Variants in RAN observed in about 807,000 individuals in gnomAD.
RAN encodes GTP-binding nuclear protein Ran.
A neutral mutation model predicts 26.8 loss-of-function variants in RAN; 2 were observed. The observed-to-expected ratio is 0.07, with a 90% CI of 0.03 to 0.23. The LOEUF (loss-of-function observed/expected upper bound fraction) is 0.23, where lower values mean the gene tolerates loss of function less well. Among genes scored for constraint, RAN ranks in the 10% least tolerant of loss-of-function variants. RAN has a pLI of 1.00. For synonymous variants in RAN, 132 were observed against 95.9 expected, an observed-to-expected ratio of 1.38 and a Z score of -2.20; for missense variants, 56 against 264.8, an observed-to-expected ratio of 0.21 and a Z score of 5.47.
rs1953171262 is a variant in RAN at position 130,873,181 on chromosome 12, T to G, written c.247+53T>G. On this transcript the variant is annotated intron_variant, in intron 4 of 6. Coordinates refer to ENST00000543796, the MANE Select transcript of RAN (RefSeq NM_006325.5). ...TTTTGAGAGGTTTTGTGTACTTCAG[T>G]CTTCAAGGTTATAGAAAATCAGGTC... 36 of 1,608,666 alleles carry G rather than the reference T, an allele frequency of 2.2e-5. No homozygotes were observed. In the South Asian group the frequency reaches 3.4e-4, roughly 15 times the overall value.
At position 130,877,284 on chromosome 12, in the gene RAN, G is replaced by C. The variant is rs1473020146; in HGVS notation, c.*1358G>C. On this transcript the variant is annotated 3_prime_UTR_variant, in exon 7 of 7. Transcript: ENST00000543796. Reference sequence around the variant, plus strand: ...TGCTTACCTTAAAAGGTATAGAAAGGATCACTTAAATATATGGAAAAATGA... The same window carrying C: ...TGCTTACCTTAAAAGGTATAGAAAGCATCACTTAAATATATGGAAAAATGA... The C allele has an allele frequency of 6.6e-6, 1 of 152,116 alleles. No homozygotes were observed. Among genetic ancestry groups the C allele is most frequent in the Non-Finnish European group, 1.5e-5 (1 of 68,028 alleles). 9.4% of individuals were successfully genotyped at this position (152,116 alleles called of 1,614,324 possible).
At chr12:130,873,612 A>G (rs1953182273) in intron 4 of RAN, 1 of 162,018 alleles carries the variant, frequency 6.2e-6, no homozygotes, top group African/African-American at 2.4e-5. Context: ...AAATAGTTTG[A>G]TTTAAAAATT....
chr12:130,876,154 T>G lies in RAN; in HGVS notation c.*228T>G. ...TTAGCTGTTTTGGAACGCAGTTGATTCCTTGAGTTTCATATATAAGACTGC... is the reference window on the plus strand; with the variant it reads ...TTAGCTGTTTTGGAACGCAGTTGATGCCTTGAGTTTCATATATAAGACTGC... On this transcript the variant is annotated 3_prime_UTR_variant, in exon 7 of 7. Transcript: ENST00000543796. The G allele has an allele frequency of 1.8e-6, 1 of 568,388 alleles. No homozygotes were observed. Among genetic ancestry groups the G allele is most frequent in the East Asian group, 2.9e-5 (1 of 34,070 alleles). The allele number at this position is 568,388 out of a possible 1,614,324, so 35.2% of individuals were successfully genotyped here.
rs200176335 is a variant in RAN at position 130,874,641 on chromosome 12, A to G, written c.343A>G (p.Ile115Val). Residue 115 changes from isoleucine to valine, a missense_variant, in exon 5 of 7, where the codon ATC becomes GTC. Ile to Val is a conservative substitution (Grantham distance 29, BLOSUM62 3). Coordinates refer to ENST00000543796, the MANE Select transcript of RAN (RefSeq NM_006325.5). ...AGATCTGGTACGAGTGTGTGAAAAC[A>G]TCCCCATTGTGTTGTGTGGCAACAA... Reference protein sequence around the residue: ...HRDLVRVCENIPIVLCGNKVD... With the variant: ...HRDLVRVCENVPIVLCGNKVD... 3.1e-6 allele frequency: 5 copies of G among 1,612,682 alleles called. No individual in the cohort carries two copies. In the Admixed American group the frequency reaches 5.0e-5, roughly 16 times the overall value.
rs61665539 is a variant in RAN, at chr12:130,873,266, GACC to G, written c.247+143_247+145del. Reference sequence around the variant, plus strand: ...AAAGACAAGTGGACTTCGGGGAGTTGACCACCATTTTGGTGGCAGAGAAAATTT... The same window carrying G: ...AAAGACAAGTGGACTTCGGGGAGTTGACCATTTTGGTGGCAGAGAAAATTT... On this transcript the variant is annotated intron_variant, in intron 4 of 6. Coordinates refer to ENST00000543796, the MANE Select transcript of RAN (RefSeq NM_006325.5). The G allele has an allele frequency of 2.5e-3, 2,987 of 1,201,636 alleles. 61 individuals are homozygous for G. In the African/African-American group the frequency reaches 0.041, roughly 17 times the overall value. The allele number at this position is 1,201,636 out of a possible 1,614,324, so 74.4% of individuals were successfully genotyped here. A position where few individuals can be genotyped will look rare whatever the true frequency, so the allele number is the denominator to read the frequency against.
At chr12:130,875,296 A>T (rs1418260480) in intron 5 of RAN, among the ~76,000 whole-genome samples, 1 of 152,162 alleles carries the variant, frequency 6.6e-6, no homozygotes, top group Non-Finnish European at 1.5e-5. Context: ...AACATAGCTC[A>T]CTGTAGCCCT....
At chr12:130,874,811 A>C in intron 5 of RAN, 78 bp downstream of exon 5, 1 of 1,213,220 alleles carries the variant, frequency 8.2e-7, no homozygotes, top group South Asian at 1.5e-5. Flanking sequence ...ACCAGTGTCT[A>C]TTATATATGG....
At chr12:130,874,941 C>A (rs1186227885) in intron 5 of RAN, among the ~76,000 whole-genome samples, 2 of 152,062 alleles carry the variant, frequency 1.3e-5, no homozygotes, top group East Asian at 1.9e-4. Context: ...TGTCTCAGCT[C>A]CCCTAGTAGC....
rs573928827 is a variant in RAN, at chr12:130,872,782, G to T, written c.37-54G>T. On this transcript the variant is annotated intron_variant, in intron 2 of 6. Transcript: ENST00000543796. ...GGTGGTTAAAGTTCCGTGACTCTGG[G>T]ATCTTGAGAGGTGAAGTGTTTAGGG... 2.8e-5 allele frequency: 45 copies of T among 1,599,174 alleles called. No homozygotes were observed. The African/African-American group carries it at 5.6e-4, about 20-fold the overall frequency.
chr12:130,875,320 C>T (rs778514140), intron 5 of RAN, among the ~76,000 whole-genome samples: 1 of 152,138 alleles, frequency 6.6e-6, no homozygotes, highest in Non-Finnish European at 1.5e-5. Flanking sequence ...CTCCTGGGCT[C>T]AAGCAATCCT....
Position 130,876,329 on chromosome 12 carries a change from A to G in RAN, c.*403A>G, listed in dbSNP as rs1254518076. ...TATAAATAGCATTTGGAAACCACTAAAGTAGGGAAGTTTTATGCCATGTTA... is the reference window on the plus strand; with the variant it reads ...TATAAATAGCATTTGGAAACCACTAGAGTAGGGAAGTTTTATGCCATGTTA... On this transcript the variant is annotated 3_prime_UTR_variant, in exon 7 of 7. Coordinates refer to ENST00000543796, the MANE Select transcript of RAN (RefSeq NM_006325.5). 1 of 174,848 alleles carries G rather than the reference A, an allele frequency of 5.7e-6. No individual in the cohort carries two copies. Among genetic ancestry groups the G allele is most frequent in the Non-Finnish European group, 1.2e-5 (1 of 82,438 alleles). The allele number at this position is 174,848 out of a possible 1,614,324, so 10.8% of individuals were successfully genotyped here.
rs1279876005 is a variant in RAN at position 130,874,878 on chromosome 12, A to C, written c.435+145A>C. The stretch of plus-strand genomic sequence containing the variant: ...TCCTCTGTCCCCCATGCTGGAGTGC[A>C]GTGTCGCAATCTTGGCTCACTGCGA... On this transcript the variant is annotated intron_variant, in intron 5 of 6. Coordinates refer to ENST00000543796, the MANE Select transcript of RAN (RefSeq NM_006325.5). 56 of 735,908 alleles carry C rather than the reference A, an allele frequency of 7.6e-5. No homozygotes were observed. In the Admixed American group the frequency reaches 1.8e-3, roughly 23 times the overall value. The allele number at this position is 735,908 out of a possible 1,614,324, so 45.6% of individuals were successfully genotyped here.
At chr12:130,873,956 TCTTAC>T (rs1259319339) in intron 4 of RAN, 2 of 327,568 alleles carry the variant, frequency 6.1e-6, no homozygotes, top group African/African-American at 4.4e-5. Context: ...CAAGCCATCC[TCTTAC>T]CTCAGCATCC....
At chr12:130,874,509 A>C in intron 4 of RAN, 37 bp from the exon 5 acceptor site, 1 of 1,484,122 alleles carries the variant, frequency 6.7e-7, no homozygotes, top group Non-Finnish European at 9.3e-7. Context: ...CTTGTGCAGT[A>C]AACTGAGTGT....
rs1253261675 is a variant in RAN, at chr12:130,872,107, C to A, written c.-30C>A. The A allele has an allele frequency of 2.2e-5, 7 of 313,252 alleles. No individual in the cohort carries two copies. Among genetic ancestry groups the A allele is most frequent in the African/African-American group, 9.1e-5 (4 of 43,936 alleles). The allele number at this position is 313,252 out of a possible 1,614,324, so 19.4% of individuals were successfully genotyped here. On this transcript the variant is annotated 5_prime_UTR_variant, in exon 1 of 7. Coordinates refer to ENST00000543796, the MANE Select transcript of RAN (RefSeq NM_006325.5). ...ATCTTTCCAGCCTCAGTCGGACGGG[C>A]GCGGAGACGCTTCTGGAAGGTATCG...
At position 130,875,965 on chromosome 12, in the gene RAN, T is replaced by C; in HGVS notation, c.*39T>C. On this transcript the variant is annotated 3_prime_UTR_variant, in exon 7 of 7. Transcript: ENST00000543796. Reference sequence around the variant, plus strand: ...GCCCAGCGTCAGAAGTCTAGTTTTATAGGCAGCTGTCCTGTGATGTCAGCG... The same window carrying C: ...GCCCAGCGTCAGAAGTCTAGTTTTACAGGCAGCTGTCCTGTGATGTCAGCG... 2 of 1,599,912 alleles carry C rather than the reference T, an allele frequency of 1.3e-6. No individual in the cohort carries two copies. The highest frequency in any genetic ancestry group is 1.7e-6 in the Non-Finnish European group (2 of 1,167,970).
rs768364673 is a variant in RAN at position 130,876,201 on chromosome 12, A to G, written c.*275A>G. 4.5e-6 allele frequency: 2 copies of G among 448,924 alleles called. No individual in the cohort carries two copies. The highest frequency in any genetic ancestry group is 3.4e-5 in the South Asian group (1 of 29,806). The allele number at this position is 448,924 out of a possible 1,614,324, so 27.8% of individuals were successfully genotyped here. On this transcript the variant is annotated 3_prime_UTR_variant, in exon 7 of 7. Coordinates refer to ENST00000543796, the MANE Select transcript of RAN (RefSeq NM_006325.5). ...CTGCTGCAGTCACATCACAATATTC[A>G]GTGGTGAAATCTTGTTTGTTACTGT...
Position 130,872,140 on chromosome 12 carries a change from G to A in RAN, c.-11+14G>A. The A allele has an allele frequency of 4.3e-6, 1 of 231,478 alleles. No individual in the cohort carries two copies. The allele number at this position is 231,478 out of a possible 1,614,324, so 14.3% of individuals were successfully genotyped here. ...CGCTTCTGGAAGGTATCGCGACCCG[G>A]CGGGCCCGGCACGGCCGGGCGGGGA... On this transcript the variant is annotated intron_variant, in intron 1 of 6. Transcript: ENST00000543796.
At chr12:130,875,155 G>A (rs372801140) in intron 5 of RAN, among the ~76,000 whole-genome samples, 1 of 151,824 alleles carries the variant, frequency 6.6e-6, no homozygotes, top group Non-Finnish European at 1.5e-5. Context: ...TTATACTACT[G>A]TTTTTAAAGA....
Sources: gnomAD v4.1 joint callset for allele counts (sites outside exome capture counted in the v4.1 genomes callset) on GRCh38, gnomAD v4.1.1 for gene constraint, MANE v1.5 for transcripts, NCBI Gene and HGNC (gene_info 2026-07-23, HGNC 2026-07-21) for gene names.